Variants in ABHD17C observed in about 807,000 individuals in gnomAD.
ABHD17C encodes the protein alpha/beta hydrolase domain-containing protein 17C.
A neutral mutation model predicts 27.9 loss-of-function variants in ABHD17C; 11 were observed. The ratio of observed to expected loss-of-function variants is 0.39; its 90% confidence interval spans 0.25 to 0.65. The LOEUF is 0.65. Ranked by LOEUF, ABHD17C falls within the 30% of genes least tolerant of loss-of-function variation. ABHD17C has a pLI of 0.45. For synonymous variants in ABHD17C, 233 were observed against 209.1 expected (o/e 1.11, Z -0.98); for missense variants, 280 against 470.2 (o/e 0.60, Z 3.74).
At position 80,749,704 on chromosome 15, in the gene ABHD17C, C is replaced by T; in HGVS notation, c.770+12C>T. 1 of 1,612,418 alleles carries T rather than the reference C, an allele frequency of 6.2e-7. No individual in the cohort carries two copies. Among genetic ancestry groups the T allele is most frequent in the South Asian group, 1.1e-5 (1 of 90,960 alleles). On this transcript the variant is annotated intron_variant, in intron 2 of 2. Transcript: ENST00000258884. ...GATGCTTTCCCCAGGTAAGTTCATG[C>T]TTGTCCAACAAGTGGTAAGTCAGCC...
At chr15:80,720,782 G>A (rs148340260) in intron 1 of ABHD17C, among the ~76,000 whole-genome samples, 2,687 of 152,064 alleles carry the variant, frequency 0.018, 28 homozygotes, top group Middle Eastern at 0.054. Flanking sequence ...TTAGCCAGGC[G>A]TGGTGACGGG....
chr15:80,736,387 T>C (rs957086765), intron 1 of ABHD17C, among the ~76,000 whole-genome samples: 2 of 152,220 alleles, frequency 1.3e-5, no homozygotes, highest in African/African-American at 4.8e-5. Flanking sequence ...AAAGCACGTT[T>C]GTTAAGTTTT....
chr15:80,741,074 C>T (rs1366051114), intron 1 of ABHD17C, among the ~76,000 whole-genome samples: 1 of 152,132 alleles, frequency 6.6e-6, no homozygotes, highest in Non-Finnish European at 1.5e-5. Context: ...CTTCATCTGC[C>T]ATGACATCTG....
intron 1 of ABHD17C, among the ~76,000 whole-genome samples, chr15:80,745,799 T>A (rs12441056): frequency 0.025 from 3,764 of 152,310 alleles, 172 homozygotes; most frequent in East Asian, 0.11. Context: ...AATATGAATC[T>A]TAGTGTCCAT....
intron 1 of ABHD17C, among the ~76,000 whole-genome samples, chr15:80,716,795 G>A (rs896163889): frequency 5.3e-5 from 8 of 152,092 alleles, no homozygotes; most frequent in Admixed American, 2.6e-4. Flanking sequence ...TTTTGCAGCC[G>A]GAATGTTCCC....
chr15:80,705,770 C>G (rs1894639624), intron 1 of ABHD17C, among the ~76,000 whole-genome samples: 1 of 152,080 alleles, frequency 6.6e-6, no homozygotes, highest in South Asian at 2.1e-4. Flanking sequence ...AGGGGGAAGT[C>G]TCTTTGGAAT....
chr15:80,696,960 T>G (rs1176886282), intron 1 of ABHD17C, among the ~76,000 whole-genome samples: 1 of 152,210 alleles, frequency 6.6e-6, no homozygotes, highest in Admixed American at 6.5e-5. Context: ...CCTGAGGCCA[T>G]GTCTATGATG....
intron 1 of ABHD17C, among the ~76,000 whole-genome samples, chr15:80,723,768 T>A (rs1009668337): frequency 3.3e-5 from 5 of 152,190 alleles, no homozygotes; most frequent in Admixed American, 1.3e-4. Context: ...GCTGCTGCTT[T>A]GCGTGGCCGA....
chr15:80,742,449 AAG>A (rs1364078716), intron 1 of ABHD17C, among the ~76,000 whole-genome samples: 1 of 152,196 alleles, frequency 6.6e-6, no homozygotes, highest in Non-Finnish European at 1.5e-5. Flanking sequence ...CCAGCTCAAG[AAG>A]AGAGAGATAA....
chr15:80,736,950 A>T (rs531263997), intron 1 of ABHD17C, among the ~76,000 whole-genome samples: 7 of 152,316 alleles, frequency 4.6e-5, no homozygotes, highest in East Asian at 3.9e-4. Flanking sequence ...CCATTGCAGG[A>T]ACTTCCTGCC....
At chr15:80,735,620 G>A (rs186489837) in intron 1 of ABHD17C, among the ~76,000 whole-genome samples, 180 of 152,168 alleles carry the variant, frequency 1.2e-3, no homozygotes, top group African/African-American at 4.1e-3. Context: ...CTCCAGTGCC[G>A]TGTTCAAGAG....
chr15:80,743,016 G>A (rs943775499), intron 1 of ABHD17C, among the ~76,000 whole-genome samples: 1 of 151,974 alleles, frequency 6.6e-6, no homozygotes, highest in African/African-American at 2.4e-5. Flanking sequence ...TGGGGTGGTG[G>A]GGAAATGGAG....
At chr15:80,701,603 C>T (rs1295039085) in intron 1 of ABHD17C, among the ~76,000 whole-genome samples, 3 of 150,812 alleles carry the variant, frequency 2.0e-5, no homozygotes, top group Non-Finnish European at 2.9e-5. Flanking sequence ...GGCTTGAACC[C>T]GGGAGGCAGA....
At chr15:80,752,313 G>C (rs925110874) in intron 2 of ABHD17C, among the ~76,000 whole-genome samples, 5 of 152,216 alleles carry the variant, frequency 3.3e-5, no homozygotes, top group African/African-American at 1.2e-4. Flanking sequence ...TCTGATGTTT[G>C]CAAATTACAT....
chr15:80,726,760 T>C (rs190429322), intron 1 of ABHD17C, among the ~76,000 whole-genome samples: 4 of 152,098 alleles, frequency 2.6e-5, no homozygotes, highest in African/African-American at 9.6e-5. Flanking sequence ...CTCCTGACCT[T>C]GTGATCCGCC....
chr15:80,752,376 T>G (rs1895376617), intron 2 of ABHD17C, among the ~76,000 whole-genome samples: 1 of 152,186 alleles, frequency 6.6e-6, no homozygotes, highest in African/African-American at 2.4e-5. Context: ...GTCCGCGGCT[T>G]CCTGAGTTTT....
rs376592996 is a variant in ABHD17C at position 80,696,201 on chromosome 15, C to G, written c.590+182C>G. ...TGTCCCACCCTGGCTTGCTCCCACC[C>G]TCTCCAAAAACCGCGCCAGCCTTCA... is the stretch of plus-strand genomic sequence containing the variant. On this transcript the variant is annotated intron_variant, in intron 1 of 2. Coordinates refer to ENST00000258884, the MANE Select transcript of ABHD17C (RefSeq NM_021214.2). Among the ~76,000 whole-genome samples, 60 of 152,346 alleles carry G rather than the reference C, an allele frequency of 3.9e-4. 1 individual carries two copies. In the East Asian group the frequency reaches 8.7e-3, roughly 22 times the overall value.
At chr15:80,749,388 G>T in intron 1 of ABHD17C, 125 bp from the exon 2 acceptor site, 1 of 962,836 alleles carries the variant, frequency 1.0e-6, no homozygotes, top group African/African-American at 1.6e-5. Context: ...AAGTGTACAA[G>T]TTAGATGATA....
chr15:80,706,445 C>T (rs890186998), intron 1 of ABHD17C, among the ~76,000 whole-genome samples: 22 of 151,964 alleles, frequency 1.4e-4, no homozygotes, highest in East Asian at 3.9e-4. Context: ...TTTAAATTTC[C>T]AAAGGAAAAA....
Sources: allele counts gnomAD v4.1 joint callset (sites outside exome capture counted in the v4.1 genomes callset), GRCh38; gene constraint gnomAD v4.1.1; transcripts MANE v1.5; gene names NCBI Gene and HGNC (gene_info 2026-07-23, HGNC 2026-07-21).